The following LCA5L variants were observed in gnomAD, a reference collection of about 807,000 sequenced individuals.
LCA5L encodes the protein lebercilin-like protein.
LCA5L carries 35 observed loss-of-function variants against 45.4 expected under a neutral mutation model. That is an observed-to-expected ratio of 0.77 (90% CI 0.59 to 1.02). LCA5L has a LOEUF of 1.02. Ranked by LOEUF, LCA5L falls within the 50% of genes least tolerant of loss-of-function variation. The pLI, the probability that LCA5L is intolerant of heterozygous loss-of-function variation, is 0.00. For synonymous variants in LCA5L, 233 were observed against 264.7 expected (o/e 0.88, Z 1.16); for missense variants, 668 against 761.6 (o/e 0.88, Z 1.45).
At chr21:39,432,799 G>T (rs2205198) in intron 3 of LCA5L, among the ~76,000 whole-genome samples, 8,441 of 152,112 alleles carry the variant, frequency 0.055, 498 homozygotes, top group African/African-American at 0.15. Context: ...CTTTCACTCA[G>T]CATTATTATT....
intron 6 of LCA5L, chr21:39,422,403 A>G (rs770522464): frequency 6.6e-6 from 1 of 152,516 alleles, no homozygotes; most frequent in Non-Finnish European, 1.5e-5. Context: ...AGGAAAATCA[A>G]TCCAGTCATC....
chr21:39,428,635 C>T (rs1205561947), intron 4 of LCA5L, 132 bp from the exon 5 acceptor site: 4 of 66,982 alleles, frequency 6.0e-5, no homozygotes, highest in Non-Finnish European at 2.8e-5. Context: ...TTTTTAAAGA[C>T]AGGGTGTCAC....
At chr21:39,417,100 T>G (rs1190536396) in intron 7 of LCA5L, among the ~76,000 whole-genome samples, 2 of 152,256 alleles carry the variant, frequency 1.3e-5, no homozygotes, top group Admixed American at 1.3e-4. Context: ...TGGCACGATC[T>G]TAGCTCACTG....
At chr21:39,422,309 G>C (rs1488774178) in intron 6 of LCA5L, 2 of 152,240 alleles carry the variant, frequency 1.3e-5, no homozygotes, top group African/African-American at 4.8e-5. Flanking sequence ...ATATGCAGGA[G>C]AATTCTTAAT....
At chr21:39,406,726 G>A in intron 10 of LCA5L, 114 bp from the exon 11 acceptor site, 1 of 756,020 alleles carries the variant, frequency 1.3e-6, no homozygotes. Context: ...TGAAATGACA[G>A]AAAAGGTAAG....
chr21:39,413,125 C>T (rs1453525913), intron 7 of LCA5L, among the ~76,000 whole-genome samples: 1 of 152,162 alleles, frequency 6.6e-6, no homozygotes, highest in Admixed American at 6.5e-5. Flanking sequence ...ACATTCAGTA[C>T]ACATCAGACA....
rs993186530 is a variant in LCA5L at position 39,435,580 on chromosome 21, T to C, written c.-245-7A>G. 6.6e-6 allele frequency: 1 copy of C among 152,174 alleles called. No individual in the cohort carries two copies. Among genetic ancestry groups the C allele is most frequent in the Non-Finnish European group, 1.5e-5 (1 of 68,016 alleles). The allele number at this position is 152,174 out of a possible 1,614,324, so 9.4% of individuals were successfully genotyped here. On this transcript the variant is annotated splice_polypyrimidine_tract_variant and splice_region_variant and intron_variant, in intron 2 of 10. Coordinates refer to ENST00000288350, the MANE Select transcript of LCA5L (RefSeq NM_152505.4). Reference sequence around the variant, plus strand: ...AGAATATATTTTAAAAAACCTAAAATGGTATTACAAAAGGAAAATGTTACA... The same window carrying C: ...AGAATATATTTTAAAAAACCTAAAACGGTATTACAAAAGGAAAATGTTACA...
At chr21:39,417,118 C>T (rs751745233) in intron 7 of LCA5L, among the ~76,000 whole-genome samples, 11 of 152,172 alleles carry the variant, frequency 7.2e-5, no homozygotes, top group Admixed American at 2.6e-4. Flanking sequence ...CTGTAATCTC[C>T]GCCTCCTGGG....
At chr21:39,437,678 C>T (rs1164036492) in intron 2 of LCA5L, among the ~76,000 whole-genome samples, 1 of 152,096 alleles carries the variant, frequency 6.6e-6, no homozygotes, top group Non-Finnish European at 1.5e-5. Flanking sequence ...TCTCAAACTC[C>T]TTGGCTCAAG....
intron 8 of LCA5L, chr21:39,410,727 A>T (rs985406509): frequency 5.4e-5 from 23 of 422,424 alleles, no homozygotes; most frequent in Non-Finnish European, 1.1e-4. Flanking sequence ...ATCAGTGGTT[A>T]GACTGTCCAT....
chr21:39,442,571 A>C (rs982128385), intron 2 of LCA5L, among the ~76,000 whole-genome samples: 3 of 152,164 alleles, frequency 2.0e-5, no homozygotes, highest in African/African-American at 7.2e-5. Context: ...TTGGGTGTCC[A>C]CGACAATGAA....
chr21:39,414,736 C>CTGTGTGTGTGTGTG (rs1445537335), intron 7 of LCA5L, among the ~76,000 whole-genome samples: 3 of 92,206 alleles, frequency 3.3e-5, no homozygotes, highest in Admixed American at 1.3e-4. Flanking sequence ...CTCTCTCTCT[C>CTGTGTGTGTGTGTG]TCTCTCTGTG....
chr21:39,412,735 G>A (rs1205153336), intron 7 of LCA5L, among the ~76,000 whole-genome samples: 1 of 152,208 alleles, frequency 6.6e-6, no homozygotes, highest in African/African-American at 2.4e-5. Context: ...GAAAGTCTCA[G>A]TGCAAGAGGC....
At chr21:39,442,609 C>T (rs924581490) in intron 2 of LCA5L, among the ~76,000 whole-genome samples, 3 of 152,050 alleles carry the variant, frequency 2.0e-5, no homozygotes, top group African/African-American at 7.2e-5. Context: ...CAGGAGACAA[C>T]CTCACCTGGG....
chr21:39,442,104 C>G (rs1415154290), intron 2 of LCA5L, among the ~76,000 whole-genome samples: 1 of 152,168 alleles, frequency 6.6e-6, no homozygotes, highest in Non-Finnish European at 1.5e-5. Flanking sequence ...AAACCTGATC[C>G]TGACAGCGAT....
intron 3 of LCA5L, among the ~76,000 whole-genome samples, chr21:39,431,170 T>C (rs2075676683): frequency 1.3e-5 from 2 of 152,206 alleles, no homozygotes; most frequent in Admixed American, 6.5e-5. Flanking sequence ...GGTGGTGGAT[T>C]GGAAGGTGTT....
intron 6 of LCA5L, chr21:39,421,557 A>T (rs1183683756): frequency 6.6e-6 from 1 of 152,204 alleles, no homozygotes; most frequent in Non-Finnish European, 1.5e-5. Context: ...CCATCCATAA[A>T]TATATTCATC....
chr21:39,444,512 A>G (rs1484236665), intron 1 of LCA5L: 1 of 152,236 alleles, frequency 6.6e-6, no homozygotes, highest in Non-Finnish European at 1.5e-5. Context: ...TGTAATTTAT[A>G]TAATCCTTTA....
In LCA5L at chr21:39,405,842, CATTATATCAAACCAGA is replaced by C. The variant is rs1569052010; in HGVS notation, c.*24_*39del. On this transcript the variant is annotated 3_prime_UTR_variant, in exon 11 of 11. Coordinates refer to ENST00000288350, the MANE Select transcript of LCA5L (RefSeq NM_152505.4). The stretch of plus-strand genomic sequence containing the variant: ...AATAAGATGCAAGGCACATAAGCAG[CATTATATCAAACCAGA>C]ATGCATTAGGATATTGATTATATTT... 1.4e-6 allele frequency: 2 copies of C among 1,414,828 alleles called. No individual in the cohort carries two copies. Among genetic ancestry groups the C allele is most frequent in the South Asian group, 1.4e-5 (1 of 73,466 alleles). The allele number at this position is 1,414,828 out of a possible 1,614,324, so 87.6% of individuals were successfully genotyped here.
Sources: gnomAD v4.1 joint callset for allele counts (sites outside exome capture counted in the v4.1 genomes callset) on GRCh38, gnomAD v4.1.1 for gene constraint, MANE v1.5 for transcripts, NCBI Gene and HGNC (gene_info 2026-07-23, HGNC 2026-07-21) for gene names.